NSDHL: variants seen among roughly 807,000 people sequenced by gnomAD.
The protein encoded by NSDHL is sterol-4-alpha-carboxylate 3-dehydrogenase, decarboxylating.
Under a neutral mutation model 23.0 loss-of-function variants are expected in NSDHL, and 1 was observed. The ratio of observed to expected loss-of-function variants is 0.04; its 90% CI spans 0.02 to 0.21. The LOEUF (loss-of-function observed/expected upper bound fraction) is 0.21. Among genes scored for constraint, NSDHL ranks in the 10% least tolerant of loss-of-function variants. The pLI, the probability that NSDHL is intolerant of heterozygous loss-of-function variation, is 1.00. For missense variants in NSDHL, 237 were observed against 300.9 expected, an observed-to-expected ratio of 0.79 and a Z score of 1.57; for synonymous variants, 128 against 121.1, an observed-to-expected ratio of 1.06 and a Z score of -0.37.
At chrX:152,865,676 G>GA in intron 5 of NSDHL, 143 bp from the exon 6 acceptor site, 1 of 767,035 alleles carries the variant, frequency 1.3e-6, no homozygotes, top group Non-Finnish European at 2.0e-6. Context: ...GCTCAAGGCA[G>GA]ACCACTGCTC....
intron 3 of NSDHL, among the ~76,000 whole-genome samples, chrX:152,851,593 C>T (rs782709967): frequency 4.5e-4 from 50 of 111,106 alleles, no homozygotes; most frequent in Admixed American, 4.2e-3. Flanking sequence ...GCTGCCCACA[C>T]CTCCAGGCCT....
Position 152,846,378 on chromosome X carries a change from G to A in NSDHL, c.54G>A (p.Leu18=), listed in dbSNP as rs1556845571. 8.3e-7 allele frequency: 1 copy of A among 1,211,189 alleles called. No homozygotes were observed. The highest frequency in any genetic ancestry group is 1.1e-6 in the Non-Finnish European group (1 of 894,642). The change falls in exon 2 of 8, where the codon TTG becomes TTA. Residue 18 remains leucine, a synonymous_variant. Transcript: ENST00000370274. ...PMRDQVARTH[L]TEDTPKVNAD... is the part of the protein sequence containing the mutation. ...GAGACCAAGTCGCACGGACTCATTT[G>A]ACAGAGGACACTCCCAAAGTGAATG... is the stretch of plus-strand genomic sequence containing the variant.
intron 3 of NSDHL, among the ~76,000 whole-genome samples, chrX:152,853,519 G>A (rs1933392452): frequency 9.0e-6 from 1 of 111,441 alleles, no homozygotes; most frequent in Non-Finnish European, 1.9e-5. Context: ...AGATGTTAGA[G>A]GGACTCTTAA....
chrX:152,860,159 T>C (rs1933504211), intron 4 of NSDHL, among the ~76,000 whole-genome samples: 1 of 112,594 alleles, frequency 8.9e-6, no homozygotes. Context: ...TTGGAGCTCT[T>C]CTGGGCTTGG....
intron 1 of NSDHL, among the ~76,000 whole-genome samples, chrX:152,845,952 C>T (rs1323824840): frequency 1.8e-5 from 2 of 112,665 alleles, no homozygotes; most frequent in African/African-American, 3.2e-5. Context: ...CTGACTGAAG[C>T]GTGGGAGAGC....
Position 152,858,752 on chromosome X carries a change from C to G in NSDHL, c.268-18C>G. ...GTCAAAGCAGGAATGATTATTTTGT[C>G]TTTCTTTGCTTTTCCAGGATCTGTA... is the stretch of plus-strand genomic sequence containing the variant. On this transcript the variant is annotated intron_variant, in intron 3 of 7. Coordinates refer to ENST00000370274, the MANE Select transcript of NSDHL (RefSeq NM_015922.3). 5 of 1,207,138 alleles carry G rather than the reference C, an allele frequency of 4.1e-6. No homozygotes were observed. Among genetic ancestry groups the G allele is most frequent in the Non-Finnish European group, 4.5e-6 (4 of 891,413 alleles).
chrX:152,857,280 T>G (rs1933456852), intron 3 of NSDHL, among the ~76,000 whole-genome samples: 1 of 112,286 alleles, frequency 8.9e-6, no homozygotes, highest in South Asian at 3.7e-4. Context: ...TGCTACAGAT[T>G]ACTTATCAAT....
At chrX:152,849,011 G>A (rs1233112884) in intron 2 of NSDHL, among the ~76,000 whole-genome samples, 3 of 111,853 alleles carry the variant, frequency 2.7e-5, no homozygotes, top group Non-Finnish European at 5.6e-5. Flanking sequence ...AGAATGGTGA[G>A]GCTGATTTTG....
At chrX:152,860,944 A>G (rs782777825) in intron 4 of NSDHL, among the ~76,000 whole-genome samples, 179 of 112,178 alleles carry the variant, frequency 1.6e-3, no homozygotes, top group Admixed American at 2.6e-3. Flanking sequence ...ATTTTATACA[A>G]TGATATCTTA....
At chrX:152,859,002 T>A (rs781994156) in intron 4 of NSDHL, 86 bp downstream of exon 4, 107 of 821,254 alleles carry the variant, frequency 1.3e-4, no homozygotes, top group Non-Finnish European at 1.8e-4. Flanking sequence ...GCAGTCTCCC[T>A]GGGCCTAGGC....
intron 1 of NSDHL, among the ~76,000 whole-genome samples, chrX:152,837,952 T>G (rs1933126322): frequency 8.9e-6 from 1 of 111,891 alleles, no homozygotes; most frequent in African/African-American, 3.3e-5. Flanking sequence ...GGTAGGCTAT[T>G]AATTATTGCC....
chrX:152,854,889 T>TGG (rs781904650), intron 3 of NSDHL, among the ~76,000 whole-genome samples: 2 of 102,224 alleles, frequency 2.0e-5, no homozygotes, highest in African/African-American at 7.2e-5. Flanking sequence ...TTATAGTCAG[T>TGG]AGAGAGAGAG....
intron 3 of NSDHL, among the ~76,000 whole-genome samples, chrX:152,853,760 G>C (rs1383650112): frequency 2.7e-5 from 3 of 112,166 alleles, no homozygotes; most frequent in Non-Finnish European, 5.6e-5. Flanking sequence ...TTTCTGTCAG[G>C]AATGCTCTTC....
chrX:152,841,830 T>C (rs1484413690), intron 1 of NSDHL, among the ~76,000 whole-genome samples: 1 of 111,849 alleles, frequency 8.9e-6, no homozygotes, highest in African/African-American at 3.3e-5. Context: ...TCACCATATT[T>C]AGGTGGACAG....
At chrX:152,858,647 C>T (rs1556847211) in intron 3 of NSDHL, 123 bp from the exon 4 acceptor site, 1 of 558,271 alleles carries the variant, frequency 1.8e-6, no homozygotes, top group Non-Finnish European at 3.1e-6. Flanking sequence ...AATGTATTTC[C>T]ATATTGATTA....
At chrX:152,867,257 T>C (rs1439128366) in intron 6 of NSDHL, among the ~76,000 whole-genome samples, 2 of 112,168 alleles carry the variant, frequency 1.8e-5, no homozygotes, top group East Asian at 5.6e-4. Context: ...GTTGGCCCCG[T>C]GTCTCCTGGG....
chrX:152,855,783 T>G (rs1421932554), intron 3 of NSDHL, among the ~76,000 whole-genome samples: 1 of 112,454 alleles, frequency 8.9e-6, no homozygotes, highest in Admixed American at 9.5e-5. Flanking sequence ...AAGTCAATCC[T>G]AGACATCATA....
intron 1 of NSDHL, among the ~76,000 whole-genome samples, chrX:152,837,779 A>C (rs1933122561): frequency 8.9e-6 from 1 of 111,806 alleles, no homozygotes; most frequent in Non-Finnish European, 1.9e-5. Flanking sequence ...TGTCTCTGCC[A>C]GGCTTTGGTA....
At chrX:152,856,631 A>C (rs1933447729) in intron 3 of NSDHL, among the ~76,000 whole-genome samples, 1 of 112,100 alleles carries the variant, frequency 8.9e-6, no homozygotes, top group Admixed American at 9.4e-5. Context: ...CTTAGCACAA[A>C]ATGAATGGGG....
Sources: gnomAD v4.1 joint callset for allele counts (sites outside exome capture counted in the v4.1 genomes callset) on GRCh38, gnomAD v4.1.1 for gene constraint, MANE v1.5 for transcripts, NCBI Gene and HGNC (gene_info 2026-07-23, HGNC 2026-07-21) for gene names.